Variants in NFATC1 observed in about 807,000 individuals in gnomAD.
NFATC1 encodes nuclear factor of activated T-cells, cytoplasmic 1.
NFATC1 carries 22 observed loss-of-function variants against 76.0 expected under a neutral mutation model. That is an observed-to-expected ratio of 0.29 (90% CI 0.21 to 0.41). The LOEUF (loss-of-function observed/expected upper bound fraction) is 0.41, where lower values mean the gene tolerates loss of function less well. Ranked by LOEUF, NFATC1 falls within the 10% of genes least tolerant of loss-of-function variation. The pLI, the probability that NFATC1 is intolerant of heterozygous loss-of-function variation, is 1.00. For synonymous variants in NFATC1, 704 were observed against 613.1 expected (o/e 1.15, Z -2.19); for missense variants, 1,357 against 1,337.7 (o/e 1.01, Z -0.23).
intron 1 of NFATC1, among the ~76,000 whole-genome samples, chr18:79,400,957 C>T (rs1600577700): frequency 1.6e-5 from 1 of 64,412 alleles, no homozygotes; most frequent in African/African-American, 5.4e-5. Context: ...GTCACCCTCC[C>T]TCCCCGCCGC....
At chr18:79,498,912 T>C (rs2089956666) in intron 9 of NFATC1, among the ~76,000 whole-genome samples, 1 of 152,172 alleles carries the variant, frequency 6.6e-6, no homozygotes, top group South Asian at 2.1e-4. Context: ...GAATTCTATA[T>C]CTAGTAAAAC....
chr18:79,421,870 G>A (rs2086105590), intron 2 of NFATC1: 1 of 152,310 alleles, frequency 6.6e-6, no homozygotes, highest in South Asian at 2.1e-4. Flanking sequence ...GGCACGTCTT[G>A]GTGCTGGGTC....
intron 8 of NFATC1, among the ~76,000 whole-genome samples, chr18:79,474,182 C>CATT (rs2088927442): frequency 1.0e-5 from 1 of 99,542 alleles, no homozygotes; most frequent in African/African-American, 4.7e-5. Context: ...TCGCTGTCGA[C>CATT]GTAAACCTGA....
chr18:79,434,965 G>A (rs950697805), intron 3 of NFATC1, among the ~76,000 whole-genome samples: 1 of 152,196 alleles, frequency 6.6e-6, no homozygotes, highest in Non-Finnish European at 1.5e-5. Flanking sequence ...ACAGTGGCCC[G>A]TTTGACATTT....
intron 9 of NFATC1, among the ~76,000 whole-genome samples, chr18:79,512,517 C>A (rs1439956873): frequency 6.6e-6 from 1 of 152,214 alleles, no homozygotes; most frequent in Non-Finnish European, 1.5e-5. Context: ...TGTGGCTCCA[C>A]GAGGTCAGAG....
intron 9 of NFATC1, chr18:79,496,116 T>C (rs1467426759): frequency 6.5e-6 from 1 of 152,698 alleles, no homozygotes; most frequent in Non-Finnish European, 1.5e-5. Context: ...ATGCACTCTG[T>C]TTTCCTCCTA....
intron 7 of NFATC1, among the ~76,000 whole-genome samples, chr18:79,464,694 A>ATATATATTT (rs1568994689): frequency 9.4e-6 from 1 of 106,718 alleles, no homozygotes; most frequent in East Asian, 2.6e-4. Flanking sequence ...ATATATATAT[A>ATATATATTT]TTTATTTATT....
At chr18:79,481,857 A>G (rs1232238937) in intron 8 of NFATC1, among the ~76,000 whole-genome samples, 1 of 142,400 alleles carries the variant, frequency 7.0e-6, no homozygotes, top group East Asian at 2.0e-4. Flanking sequence ...CTGGGGTATA[A>G]TTCCAGCGCG....
At chr18:79,514,667 C>T (rs2090336949) in intron 9 of NFATC1, among the ~76,000 whole-genome samples, 1 of 146,412 alleles carries the variant, frequency 6.8e-6, no homozygotes, top group Admixed American at 6.8e-5. Context: ...CGTTTTCTTA[C>T]ATAGCCACAG....
chr18:79,410,844 A>T lies in NFATC1; in HGVS notation c.569A>T (p.Glu190Val). The change falls in exon 2 of 10, where the codon GAG (glutamate) becomes GTG (valine). Residue 190 changes from glutamate (E) to valine (V), a missense_variant. Transcript: ENST00000427363. This position sits in a 1 kb window ranked among gnomAD's most constrained non-coding sequence, Gnocchi z 6.7. ...TGCAACTCAGAGGCCTCCTCCTACG[A>T]GTCCAACTACTCGTACCCGTACGCG... ...RSCNSEASSYESNYSYPYASP... is the reference protein window; with the variant it reads ...RSCNSEASSYVSNYSYPYASP... The T allele has an allele frequency of 6.2e-7, 1 of 1,610,948 alleles. No homozygotes were observed. The highest frequency in any genetic ancestry group is 8.5e-7 in the Non-Finnish European group (1 of 1,179,086).
At chr18:79,485,523 G>A (rs757936243) in intron 8 of NFATC1, among the ~76,000 whole-genome samples, 3 of 152,246 alleles carry the variant, frequency 2.0e-5, no homozygotes, top group Admixed American at 6.5e-5. Flanking sequence ...GCTGGGAGCC[G>A]GTGTCGGCTC....
chr18:79,492,577 C>T (rs778857409), intron 9 of NFATC1, among the ~76,000 whole-genome samples: 2 of 151,998 alleles, frequency 1.3e-5, no homozygotes, highest in Non-Finnish European at 1.5e-5. Context: ...GGAGTGGTGG[C>T]GGGCGCCTGT....
chr18:79,398,939 T>C (rs141033946), intron 1 of NFATC1, among the ~76,000 whole-genome samples: 3,585 of 152,256 alleles, frequency 0.024, 45 homozygotes, highest in African/African-American at 0.041. Flanking sequence ...TGGTGGCGGG[T>C]GCCTGTAGTC....
At chr18:79,452,384 G>A (rs367829801) in intron 6 of NFATC1, among the ~76,000 whole-genome samples, 1 of 152,228 alleles carries the variant, frequency 6.6e-6, no homozygotes, top group African/African-American at 2.4e-5. Flanking sequence ...GGCCCAGCCT[G>A]GAGGCTCCGG....
intron 1 of NFATC1, among the ~76,000 whole-genome samples, chr18:79,399,515 C>T (rs1482975252): frequency 1.3e-5 from 2 of 152,380 alleles, no homozygotes; most frequent in South Asian, 2.1e-4. Context: ...GAAGTTAGAA[C>T]ACGCGGCGGG....
intron 6 of NFATC1, among the ~76,000 whole-genome samples, chr18:79,454,365 G>A (rs2087597678): frequency 6.6e-6 from 1 of 152,224 alleles, no homozygotes; most frequent in South Asian, 2.1e-4. Flanking sequence ...AGCTGCTATG[G>A]GTTCACAGCA....
intron 9 of NFATC1, among the ~76,000 whole-genome samples, chr18:79,510,407 G>A (rs1441480367): frequency 6.6e-6 from 1 of 152,260 alleles, no homozygotes; most frequent in Non-Finnish European, 1.5e-5. Flanking sequence ...GAAGCGAGAA[G>A]TTAAATAATT....
intron 1 of NFATC1, chr18:79,402,228 C>A: frequency 3.5e-6 from 2 of 577,142 alleles, no homozygotes; most frequent in Non-Finnish European, 4.4e-6. Flanking sequence ...GCACAGGAGG[C>A]CAGTCTCTGC....
intron 9 of NFATC1, among the ~76,000 whole-genome samples, chr18:79,502,729 A>G (rs1381333173): frequency 2.6e-5 from 4 of 152,238 alleles, no homozygotes; most frequent in Non-Finnish European, 5.9e-5. Flanking sequence ...AAAATACTCC[A>G]CATCACTAGT....
Sources: gnomAD v4.1 joint callset for allele counts (sites outside exome capture counted in the v4.1 genomes callset) on GRCh38, gnomAD v4.1.1 for gene constraint, Gnocchi (gnomAD v3.1) non-coding constraint, MANE v1.5 for transcripts, NCBI Gene and HGNC (gene_info 2026-07-23, HGNC 2026-07-21) for gene names.